Variants in ZC2HC1A observed in about 807,000 individuals in gnomAD.
The protein encoded by ZC2HC1A is zinc finger C2HC-type containing 1A, also known as zinc finger C2HC domain-containing protein 1A.
Under a neutral mutation model 40.7 loss-of-function variants are expected in ZC2HC1A, and 28 were observed. The ratio of observed to expected loss-of-function variants is 0.69; its 90% CI spans 0.51 to 0.94. The LOEUF is 0.94. Among genes scored for constraint, ZC2HC1A ranks in the 40% least tolerant of loss-of-function variants. ZC2HC1A has a pLI of 0.00. For synonymous variants in ZC2HC1A, 129 were observed against 129.2 expected (o/e 1.00, Z 0.01); for missense variants, 389 against 386.3 (o/e 1.01, Z -0.06).
intron 5 of ZC2HC1A, among the ~76,000 whole-genome samples, chr8:78,691,937 T>C (rs1317108506): frequency 6.6e-6 from 1 of 152,172 alleles, no homozygotes; most frequent in East Asian, 1.9e-4. Flanking sequence ...TATATATTTA[T>C]GGGGTACAAA....
rs549291800 is a variant in ZC2HC1A at position 78,699,664 on chromosome 8, A to G, written c.704+1151A>G. 2.4e-3 allele frequency among the ~76,000 whole-genome samples: 364 copies of G among 151,960 alleles called. 2 individuals are homozygous for G. The highest frequency in any genetic ancestry group is 8.2e-3 in the African/African-American group (338 of 41,470). On this transcript the variant is annotated intron_variant, in intron 7 of 8. Transcript: ENST00000263849. The stretch of plus-strand genomic sequence containing the variant: ...ACTCCAGTACGTGTTGTTCCCCTCT[A>G]TGTGTCCATGTAGTCTCATAATTTA...
chr8:78,715,769 G>T (rs1811082141), intron 8 of ZC2HC1A, among the ~76,000 whole-genome samples: 1 of 152,152 alleles, frequency 6.6e-6, no homozygotes, highest in South Asian at 2.1e-4. Flanking sequence ...AGGAGTTGTG[G>T]TGGCTCACGC....
chr8:78,699,993 G>A (rs773541404), intron 7 of ZC2HC1A, among the ~76,000 whole-genome samples: 9 of 152,168 alleles, frequency 5.9e-5, no homozygotes, highest in Non-Finnish European at 1.3e-4. Context: ...TAATGGGATT[G>A]CTGGGGGAAA....
At chr8:78,691,532 C>T (rs1276348143) in intron 5 of ZC2HC1A, among the ~76,000 whole-genome samples, 1 of 151,710 alleles carries the variant, frequency 6.6e-6, no homozygotes, top group East Asian at 1.9e-4. Flanking sequence ...AATCTAGTAA[C>T]TTCATCTTGT....
At chr8:78,681,901 C>CTTTTTTTT (rs56181953) in intron 3 of ZC2HC1A, among the ~76,000 whole-genome samples, 2 of 126,470 alleles carry the variant, frequency 1.6e-5, no homozygotes, top group Non-Finnish European at 3.4e-5. Context: ...CTTTTTCTTT[C>CTTTTTTTT]TTTTTTTTTT....
chr8:78,712,499 A>G (rs571083078), intron 7 of ZC2HC1A, among the ~76,000 whole-genome samples: 1 of 152,312 alleles, frequency 6.6e-6, no homozygotes, highest in Admixed American at 6.5e-5. Flanking sequence ...TCTCTTAGAT[A>G]AGCCGATGGT....
chr8:78,671,462 G>T (rs890466137), intron 1 of ZC2HC1A, among the ~76,000 whole-genome samples: 1 of 152,090 alleles, frequency 6.6e-6, no homozygotes, highest in African/African-American at 2.4e-5. Flanking sequence ...TCTTTCTCTT[G>T]TATTTTTATA....
chr8:78,700,119 C>T (rs1176559310), intron 7 of ZC2HC1A, among the ~76,000 whole-genome samples: 3 of 152,144 alleles, frequency 2.0e-5, no homozygotes, highest in African/African-American at 7.2e-5. Context: ...CACAACCTCA[C>T]CAGTGTCTGT....
At chr8:78,675,006 GAAATA>G (rs1007478828) in intron 1 of ZC2HC1A, among the ~76,000 whole-genome samples, 47 of 151,790 alleles carry the variant, frequency 3.1e-4, no homozygotes, top group East Asian at 9.7e-4. Context: ...TTGATATTTG[GAAATA>G]AAATAAAATG....
Position 78,666,135 on chromosome 8 carries a change from G to T in ZC2HC1A, c.-14G>T, listed in dbSNP as rs151163140. ...CTGCTGAAGGAGTCTCGCTGAGCTC[G>T]AGGAGGTGGCGCGATGGAGGGACTG... On this transcript the variant is annotated 5_prime_UTR_variant, in exon 1 of 9. Transcript: ENST00000263849. 3.8e-6 allele frequency: 6 copies of T among 1,569,260 alleles called. No individual in the cohort carries two copies. In the Admixed American group the frequency reaches 9.5e-5, roughly 25 times the overall value.
intron 7 of ZC2HC1A, among the ~76,000 whole-genome samples, chr8:78,698,889 A>G (rs1372177653): frequency 1.3e-5 from 2 of 152,202 alleles, no homozygotes; most frequent in South Asian, 4.1e-4. Flanking sequence ...CATAATCAAG[A>G]GAAAAGAAGA....
chr8:78,678,713 T>A (rs1212182277), intron 3 of ZC2HC1A, 34 bp downstream of exon 3: 8 of 1,465,686 alleles, frequency 5.5e-6, no homozygotes, highest in Non-Finnish European at 7.4e-6. Flanking sequence ...GTATGAACTT[T>A]GGTGTTATGT....
intron 3 of ZC2HC1A, among the ~76,000 whole-genome samples, chr8:78,680,600 G>A (rs1359748960): frequency 6.6e-6 from 1 of 152,162 alleles, no homozygotes; most frequent in Non-Finnish European, 1.5e-5. Context: ...CATAAGCAGA[G>A]TGGGGCAAAG....
rs1809660109 is a variant in ZC2HC1A, at chr8:78,678,552, T to C, written c.94-11T>C. ...AAGAAAATGATAGGCTGCATTTCTT[T>C]ATCTTAACAGAAAAAACATGGACCC... On this transcript the variant is annotated splice_polypyrimidine_tract_variant and intron_variant, in intron 2 of 8. Transcript: ENST00000263849. The C allele has an allele frequency of 1.3e-6, 2 of 1,596,764 alleles. No individual in the cohort carries two copies. The highest frequency in any genetic ancestry group is 1.4e-5 in the African/African-American group (1 of 73,596).
intron 6 of ZC2HC1A, 46 bp from the exon 7 acceptor site, chr8:78,698,368 A>T: frequency 6.8e-7 from 1 of 1,478,022 alleles, no homozygotes; most frequent in Non-Finnish European, 9.3e-7. Flanking sequence ...TGTTTTATGT[A>T]ACCTTTTTTA....
intron 7 of ZC2HC1A, among the ~76,000 whole-genome samples, chr8:78,705,356 C>T (rs1810737978): frequency 6.6e-6 from 1 of 152,138 alleles, no homozygotes; most frequent in Non-Finnish European, 1.5e-5. Context: ...GCTGGGTGTC[C>T]ACTCCAGTCA....
chr8:78,707,274 T>C (rs1043525594), intron 7 of ZC2HC1A, among the ~76,000 whole-genome samples: 1 of 152,212 alleles, frequency 6.6e-6, no homozygotes, highest in Non-Finnish European at 1.5e-5. Context: ...ATTTTATCAG[T>C]TGGCAATATT....
chr8:78,686,146 A>C lies in ZC2HC1A; in HGVS notation c.211-321A>C, dbSNP rs147615466. Among the ~76,000 whole-genome samples, 118 of 152,296 alleles carry C rather than the reference A, an allele frequency of 7.7e-4. 1 individual carries two copies. The highest frequency in any genetic ancestry group is 2.7e-3 in the African/African-American group (114 of 41,572). On this transcript the variant is annotated intron_variant, in intron 3 of 8. Coordinates refer to ENST00000263849, the MANE Select transcript of ZC2HC1A (RefSeq NM_016010.3). ...CACCTCGTACTACTGTTATAATGGC[A>C]ATTACATTTTAACATGAGTTTTGGA...
chr8:78,668,338 A>G (rs1474385345), intron 1 of ZC2HC1A, among the ~76,000 whole-genome samples: 1 of 152,170 alleles, frequency 6.6e-6, no homozygotes, highest in Non-Finnish European at 1.5e-5. Context: ...GTGTTTAATA[A>G]ATATTATATT....
Sources: gnomAD v4.1 joint callset for allele counts (sites outside exome capture counted in the v4.1 genomes callset) on GRCh38, gnomAD v4.1.1 for gene constraint, MANE v1.5 for transcripts, NCBI Gene and HGNC (gene_info 2026-07-23, HGNC 2026-07-21) for gene names.